DENND2A: variants seen among roughly 807,000 people sequenced by gnomAD.
DENND2A encodes the protein DENN domain-containing protein 2A.
A neutral mutation model predicts 105.3 loss-of-function variants in DENND2A; 53 were observed. The ratio of observed to expected loss-of-function variants is 0.50; its 90% CI spans 0.40 to 0.63. DENND2A has a LOEUF of 0.63. Ranked by LOEUF, DENND2A falls within the 30% of genes least tolerant of loss-of-function variation. DENND2A has a pLI of 0.00. For synonymous variants in DENND2A, 522 were observed against 508.4 expected (o/e 1.03, Z -0.36); for missense variants, 1,138 against 1,279.6 (o/e 0.89, Z 1.69).
Position 140,585,685 on chromosome 7 carries a change from AT to A in DENND2A, c.1148del (p.Tyr383LeufsTer17). 1.2e-6 allele frequency: 2 copies of A among 1,614,216 alleles called. No individual in the cohort carries two copies. Among genetic ancestry groups the A allele is most frequent in the Non-Finnish European group, 1.7e-6 (2 of 1,180,034 alleles). On this transcript the variant is annotated frameshift_variant, in exon 5 of 20. Coordinates refer to ENST00000496613, the MANE Select transcript of DENND2A (RefSeq NM_015689.5). LOFTEE classifies it high-confidence loss of function. ...AGCGACCATGTAACTCGATGTCCTC[AT>A]AAGGGTTCTCCTTCATTGGCGGATC... is the stretch of plus-strand genomic sequence containing the variant. ...ILDPPMKENP[Y>X]EDIELHGRCL...
chr7:140,590,112 G>T (rs1158840559), intron 3 of DENND2A, among the ~76,000 whole-genome samples: 1 of 152,168 alleles, frequency 6.6e-6, no homozygotes, highest in African/African-American at 2.4e-5. Flanking sequence ...AATGCAGGCC[G>T]GGCGCGGTGG....
intron 3 of DENND2A, among the ~76,000 whole-genome samples, chr7:140,599,359 T>C (rs181074051): frequency 8.4e-4 from 128 of 151,948 alleles, no homozygotes; most frequent in African/African-American, 2.7e-3. Context: ...TAATACATTA[T>C]GAAGTTAAAA....
At chr7:140,615,288 G>C (rs1800042880) in intron 1 of DENND2A, among the ~76,000 whole-genome samples, 1 of 152,224 alleles carries the variant, frequency 6.6e-6, no homozygotes, top group Non-Finnish European at 1.5e-5. Context: ...GAAGAAGACA[G>C]AGGAATCTGA....
intron 3 of DENND2A, among the ~76,000 whole-genome samples, chr7:140,591,525 T>A (rs1327610720): frequency 1.3e-5 from 2 of 152,174 alleles, no homozygotes; most frequent in African/African-American, 4.8e-5. Context: ...GCCCAGTTTC[T>A]AGAACTAGTA....
upstream of DENND2A, chr7:140,640,888 C>G (rs1233645857): frequency 3.3e-5 from 5 of 152,000 alleles, no homozygotes; most frequent in Non-Finnish European, 7.4e-5. The surrounding 1 kb of genome is among the most constrained non-coding windows in gnomAD (Gnocchi z 4.9). Flanking sequence ...GGCGCCCGGC[C>G]GGTTGCCACG....
Position 140,522,068 on chromosome 7 carries a change from A to G in DENND2A, c.2698T>C (p.Ser900Pro), listed in dbSNP as rs766348939. ...PESSPLNEVVSEAFVRFFVEI... is the reference protein window; with the variant it reads ...PESSPLNEVVPEAFVRFFVEI... Reference sequence around the variant, plus strand: ...ACGAAGAAGCGGACAAAGGCTTCAGACACCACCTCGTTCAAGGGGCTGGAC... The same window carrying G: ...ACGAAGAAGCGGACAAAGGCTTCAGGCACCACCTCGTTCAAGGGGCTGGAC... The change falls in exon 18 of 20, where the codon TCT becomes CCT. Residue 900 changes from serine to proline, a missense_variant. Transcript: ENST00000496613. 6.2e-7 allele frequency: 1 copy of G among 1,614,180 alleles called. No individual in the cohort carries two copies. Among genetic ancestry groups the G allele is most frequent in the East Asian group, 2.2e-5 (1 of 44,880 alleles).
chr7:140,560,001 A>G (rs1029802087), intron 9 of DENND2A, among the ~76,000 whole-genome samples, 184 bp from the exon 10 acceptor site: 4 of 152,076 alleles, frequency 2.6e-5, no homozygotes, highest in Non-Finnish European at 1.5e-5. Flanking sequence ...ACTTCCAACT[A>G]TAGACCTCTG....
At chr7:140,635,151 T>A (rs1006814222) in intron 1 of DENND2A, among the ~76,000 whole-genome samples, 2 of 151,800 alleles carry the variant, frequency 1.3e-5, no homozygotes, top group Non-Finnish European at 2.9e-5. Context: ...TAGTCCCCGC[T>A]ACTCAAGAGG....
rs191535264 is a variant in DENND2A at position 140,613,697 on chromosome 7, C to T, written c.-247-7891G>A. 1.4e-3 allele frequency among the ~76,000 whole-genome samples: 213 copies of T among 149,664 alleles called. 1 individual carries two copies. The highest frequency in any genetic ancestry group is 5.2e-3 in the African/African-American group (207 of 39,774). On this transcript the variant is annotated intron_variant, in intron 1 of 19. Transcript: ENST00000496613. ...AAAAAAAAAAACAAACAAAAAACTA[C>T]AGCTTAGATTGTGAAACAAAAATAA...
At chr7:140,532,601 G>GT (rs1357882335) in intron 14 of DENND2A, among the ~76,000 whole-genome samples, 7 of 152,306 alleles carry the variant, frequency 4.6e-5, no homozygotes, top group Admixed American at 3.9e-4. Flanking sequence ...GATTTTTAAG[G>GT]TAGGAAGAGT....
intron 1 of DENND2A, among the ~76,000 whole-genome samples, chr7:140,625,985 T>C (rs562118131): frequency 1.3e-5 from 2 of 152,352 alleles, no homozygotes; most frequent in South Asian, 4.1e-4. Flanking sequence ...ACAGGTCATT[T>C]AGTTTAATGT....
chr7:140,527,566 G>A lies in DENND2A; in HGVS notation c.2328-71C>T, dbSNP rs1796108738. ...CCCGAGGAAGCCTCCAGGGGAGAAG[G>A]CTCCTCCCAGAGACAGGATGACTAG... On this transcript the variant is annotated intron_variant, in intron 14 of 19. Transcript: ENST00000496613. This position sits in a 1 kb window ranked among gnomAD's most constrained non-coding sequence, Gnocchi z 4.9. 1.4e-6 allele frequency: 2 copies of A among 1,445,926 alleles called. No individual in the cohort carries two copies. The highest frequency in any genetic ancestry group is 1.9e-6 in the Non-Finnish European group (2 of 1,078,688). The allele number at this position is 1,445,926 out of a possible 1,614,324, so 89.6% of individuals were successfully genotyped here. A position where few individuals can be genotyped will look rare whatever the true frequency, so the allele number is the denominator to read the frequency against.
At chr7:140,593,594 T>C (rs1370638425) in intron 3 of DENND2A, among the ~76,000 whole-genome samples, 1 of 152,216 alleles carries the variant, frequency 6.6e-6, no homozygotes, top group East Asian at 1.9e-4. Context: ...GAACTCGTAA[T>C]CCTATTGCCT....
In DENND2A at chr7:140,585,668, T is replaced by A. The variant is rs909972902; in HGVS notation, c.1166A>T (p.His389Leu). ...ACACTTCTTTCCCAGGCAGCGACCATGTAACTCGATGTCCTCATAAGGGTT... is the reference window on the plus strand; with the variant it reads ...ACACTTCTTTCCCAGGCAGCGACCAAGTAACTCGATGTCCTCATAAGGGTT... ...KENPYEDIEL[H>L]GRCLGKKCVL... The change falls in exon 5 of 20, where the codon CAT (histidine) becomes CTT (leucine). Residue 389 changes from histidine to leucine, a missense_variant. By Grantham distance (99) the His-to-Leu change is moderately conservative. Transcript: ENST00000496613. The A allele has an allele frequency of 5.0e-6, 8 of 1,614,068 alleles. No homozygotes were observed. The Admixed American group carries it at 6.7e-5, about 13-fold the overall frequency.
At chr7:140,530,100 T>C (rs1340131553) in intron 14 of DENND2A, among the ~76,000 whole-genome samples, 1 of 150,136 alleles carries the variant, frequency 6.7e-6, no homozygotes. Flanking sequence ...GACATGTGCC[T>C]GTGGTCCCAG....
At chr7:140,618,622 G>C (rs1022564781) in intron 1 of DENND2A, among the ~76,000 whole-genome samples, 1 of 152,124 alleles carries the variant, frequency 6.6e-6, no homozygotes, top group African/African-American at 2.4e-5. Flanking sequence ...ATATAGACTA[G>C]AACTAGACTC....
intron 5 of DENND2A, among the ~76,000 whole-genome samples, chr7:140,581,648 A>G (rs1798545938): frequency 6.6e-6 from 1 of 152,328 alleles, no homozygotes; most frequent in Middle Eastern, 3.4e-3. Context: ...AACAGGGCAC[A>G]CAGCAGACAC....
Position 140,557,531 on chromosome 7 carries a change from A to ATATT in DENND2A, c.1959+611_1959+612insAATA, listed in dbSNP as rs1554467351. On this transcript the variant is annotated intron_variant, in intron 11 of 19. Transcript: ENST00000496613. ...TTAGTATATATATATATATATATAT[A>ATATT]TTTTTTTTTTTTTTTTTTTTTTTTT... 8.8e-4 allele frequency among the ~76,000 whole-genome samples: 35 copies of ATATT among 39,656 alleles called. 1 individual carries two copies. Among genetic ancestry groups the ATATT allele is most frequent in the African/African-American group, 1.0e-3 (14 of 13,694 alleles). The allele number at this position is 39,656 out of a possible 152,430, so 26.0% of individuals were successfully genotyped here.
intron 3 of DENND2A, among the ~76,000 whole-genome samples, chr7:140,591,867 T>TTTCC (rs918723214): frequency 1.1e-4 from 12 of 110,616 alleles, no homozygotes; most frequent in East Asian, 5.9e-4. Flanking sequence ...TTCCCTTCCC[T>TTTCC]TTCCTTCCTT....
Sources: gnomAD v4.1 joint callset for allele counts (sites outside exome capture counted in the v4.1 genomes callset) on GRCh38, gnomAD v4.1.1 for gene constraint, Gnocchi (gnomAD v3.1) non-coding constraint, MANE v1.5 for transcripts, NCBI Gene and HGNC (gene_info 2026-07-23, HGNC 2026-07-21) for gene names.